MBNL2: variants seen among roughly 807,000 people sequenced by gnomAD.
The protein encoded by MBNL2 is muscleblind like splicing regulator 2.
Under a neutral mutation model 41.9 loss-of-function variants are expected in MBNL2, and 17 were observed. That is an observed-to-expected ratio of 0.41 (90% CI 0.28 to 0.61). The LOEUF is 0.61. Among genes scored for constraint, MBNL2 ranks in the 20% least tolerant of loss-of-function variants. The pLI is 0.35. For synonymous variants in MBNL2, 195 were observed against 182.9 expected, an observed-to-expected ratio of 1.07 and a Z score of -0.53; for missense variants, 336 against 505.6, an observed-to-expected ratio of 0.66 and a Z score of 3.22.
intron 2 of MBNL2, among the ~76,000 whole-genome samples, chr13:97,300,743 A>G (rs905779135): frequency 6.6e-6 from 1 of 152,218 alleles, no homozygotes. Context: ...TGCTTCAAAA[A>G]TTTGGGTGCT....
the MBNL2 span, among the ~76,000 whole-genome samples, chr13:97,156,617 T>C: frequency 7.0e-6 from 1 of 142,878 alleles, no homozygotes; most frequent in South Asian, 2.5e-4. Context: ...TACATATGGC[T>C]AGCCAGTTTT....
At chr13:97,291,919 T>TAAAAAAAAAAAAAA (rs1594165236) in intron 2 of MBNL2, among the ~76,000 whole-genome samples, 1 of 23,646 alleles carries the variant, frequency 4.2e-5, no homozygotes, top group African/African-American at 2.1e-4. Flanking sequence ...AAAAAAAAAG[T>TAAAAAAAAAAAAAA]GGGCTGGGTG....
intron 2 of MBNL2, among the ~76,000 whole-genome samples, chr13:97,287,705 T>C (rs1401619603): frequency 6.9e-6 from 1 of 144,398 alleles, no homozygotes; most frequent in Non-Finnish European, 1.5e-5. Flanking sequence ...TTCTATTTTT[T>C]CTTTTCTTTT....
At chr13:97,167,126 G>T in the MBNL2 span, among the ~76,000 whole-genome samples, 1 of 152,156 alleles carries the variant, frequency 6.6e-6, no homozygotes, top group South Asian at 2.1e-4. Context: ...TAAATGTAAA[G>T]AATTAGGCAG....
At chr13:97,264,274 G>A (rs545231251) in intron 1 of MBNL2, among the ~76,000 whole-genome samples, 4 of 152,130 alleles carry the variant, frequency 2.6e-5, no homozygotes, top group South Asian at 2.1e-4. Context: ...TGATCCACCC[G>A]CCTCGGCCTC....
intron 8 of MBNL2, among the ~76,000 whole-genome samples, chr13:97,365,723 G>A (rs373127516): frequency 8.5e-5 from 13 of 152,094 alleles, no homozygotes; most frequent in East Asian, 1.9e-4. Context: ...TCCCTTAGCC[G>A]TTCAATTTTA....
At chr13:97,390,406 A>C (rs1355280537) in intron 8 of MBNL2, among the ~76,000 whole-genome samples, 2 of 152,222 alleles carry the variant, frequency 1.3e-5, no homozygotes, top group Non-Finnish European at 2.9e-5. Flanking sequence ...CTCTCATTAT[A>C]AACAAATTTT....
the MBNL2 span, among the ~76,000 whole-genome samples, chr13:97,197,431 A>G: frequency 6.6e-5 from 10 of 152,308 alleles, no homozygotes; most frequent in South Asian, 1.5e-3. Flanking sequence ...TTAACATGTC[A>G]AACTCAGTTT....
the MBNL2 span, among the ~76,000 whole-genome samples, chr13:97,213,691 C>T: frequency 6.6e-6 from 1 of 152,092 alleles, no homozygotes; most frequent in South Asian, 2.1e-4. Context: ...TCAATTGGGA[C>T]CAACATGTAG....
intron 1 of MBNL2, among the ~76,000 whole-genome samples, chr13:97,245,208 A>G (rs761558906): frequency 1.3e-5 from 2 of 152,176 alleles, no homozygotes; most frequent in Non-Finnish European, 2.9e-5. Flanking sequence ...CAGTCTATAA[A>G]TGGTTTCAAC....
chr13:97,252,120 G>T (rs2046684381), intron 1 of MBNL2, among the ~76,000 whole-genome samples: 1 of 151,902 alleles, frequency 6.6e-6, no homozygotes. Context: ...AAAGTGCTGG[G>T]ATTACAGGCG....
At chr13:97,333,628 A>T (rs1264678024) in intron 2 of MBNL2, among the ~76,000 whole-genome samples, 1 of 152,186 alleles carries the variant, frequency 6.6e-6, no homozygotes, top group Non-Finnish European at 1.5e-5. Flanking sequence ...ACCCCTGCAC[A>T]CTATTGCCTC....
At chr13:97,261,750 G>A (rs756404540) in intron 1 of MBNL2, among the ~76,000 whole-genome samples, 1 of 152,188 alleles carries the variant, frequency 6.6e-6, no homozygotes, top group Non-Finnish European at 1.5e-5. Flanking sequence ...TGACTGAGAC[G>A]ATAAAGGCTG....
At chr13:97,166,969 G>C in the MBNL2 span, among the ~76,000 whole-genome samples, 1 of 152,108 alleles carries the variant, frequency 6.6e-6, no homozygotes, top group Non-Finnish European at 1.5e-5. Flanking sequence ...TCAACAACCT[G>C]AAATTTGTAC....
chr13:97,241,499 CA>C (rs1237846024), intron 1 of MBNL2, among the ~76,000 whole-genome samples: 1 of 152,190 alleles, frequency 6.6e-6, no homozygotes, highest in Non-Finnish European at 1.5e-5. Flanking sequence ...TTTTCCAAAT[CA>C]AAGTATATCT....
intron 2 of MBNL2, among the ~76,000 whole-genome samples, chr13:97,279,279 C>A (rs1262374456): frequency 6.6e-6 from 1 of 152,154 alleles, no homozygotes; most frequent in Non-Finnish European, 1.5e-5. Context: ...CCTAGGCAAG[C>A]TTCATTACTT....
At chr13:97,349,675 A>G (rs1344000438) in intron 5 of MBNL2, among the ~76,000 whole-genome samples, 2 of 152,146 alleles carry the variant, frequency 1.3e-5, no homozygotes, top group African/African-American at 4.8e-5. Flanking sequence ...CCACAGGTGC[A>G]TGCCACCATG....
chr13:97,176,290 T>A, the MBNL2 span, among the ~76,000 whole-genome samples: 3 of 152,146 alleles, frequency 2.0e-5, no homozygotes, highest in Non-Finnish European at 4.4e-5. Flanking sequence ...GAGGTCAGAA[T>A]ATAAAGCTGC....
At chr13:97,269,795 C>T (rs1594124002) in intron 1 of MBNL2, among the ~76,000 whole-genome samples, 1 of 152,086 alleles carries the variant, frequency 6.6e-6, no homozygotes, top group African/African-American at 2.4e-5. Flanking sequence ...GCAGTCAGAC[C>T]ATTGATCTCT....
Sources: allele counts gnomAD v4.1 joint callset (sites outside exome capture counted in the v4.1 genomes callset), GRCh38; gene constraint gnomAD v4.1.1; transcripts MANE v1.5; gene names NCBI Gene and HGNC (gene_info 2026-07-23, HGNC 2026-07-21).